PIK3C2A: variants seen among roughly 807,000 people sequenced by gnomAD.
PIK3C2A encodes the protein phosphatidylinositol 4-phosphate 3-kinase C2 domain-containing subunit alpha.
Under a neutral mutation model 204.5 loss-of-function variants are expected in PIK3C2A, and 97 were observed. That is an observed-to-expected ratio of 0.47 (90% CI 0.40 to 0.56). The LOEUF (loss-of-function observed/expected upper bound fraction) is 0.56. PIK3C2A is among the 20% of genes least tolerant of loss of function. PIK3C2A has a pLI of 0.00. For synonymous variants in PIK3C2A, 653 were observed against 664.4 expected, an observed-to-expected ratio of 0.98 and a Z score of 0.26; for missense variants, 1,735 against 1,969.2, an observed-to-expected ratio of 0.88 and a Z score of 2.25.
intron 21 of PIK3C2A, among the ~76,000 whole-genome samples, chr11:17,111,263 C>A (rs1848992723): frequency 6.6e-6 from 1 of 152,106 alleles, no homozygotes; most frequent in South Asian, 2.1e-4. Flanking sequence ...ATGAAATGTT[C>A]TACATTTTGA....
chr11:17,199,583 C>G (rs1852292221), intron 1 of PIK3C2A, among the ~76,000 whole-genome samples: 1 of 152,168 alleles, frequency 6.6e-6, no homozygotes, highest in Admixed American at 6.5e-5. Context: ...ATAAGTCAGA[C>G]ACAAAAGGCT....
chr11:17,133,925 C>T (rs891571231), intron 11 of PIK3C2A, among the ~76,000 whole-genome samples: 1 of 151,130 alleles, frequency 6.6e-6, no homozygotes, highest in African/African-American at 2.4e-5. Context: ...AAGACTCCAT[C>T]TCAAAAAAAA....
At chr11:17,160,773 G>A (rs1340655926) in intron 2 of PIK3C2A, among the ~76,000 whole-genome samples, 2 of 128,794 alleles carry the variant, frequency 1.6e-5, no homozygotes, top group African/African-American at 2.8e-5. Context: ...GCAGTTAGCC[G>A]AGGTTGCACC....
chr11:17,169,228 A>G lies in PIK3C2A; in HGVS notation c.514T>C (p.Phe172Leu). ...YSKQAAFQNG[F>L]NPRMPTFPST... ...GGAAAAGTGGGCATTCTTGGATTGA[A>G]GCCATTTTGGAATGCAGCCTGTTTA... The change falls in exon 2 of 33, where the codon TTC (phenylalanine) becomes CTC (leucine). Residue 172 changes from phenylalanine (F) to leucine (L), a missense_variant. By Grantham distance (22) the Phe-to-Leu change is conservative (BLOSUM62 0). Coordinates refer to ENST00000691414, the MANE Select transcript of PIK3C2A (RefSeq NM_002645.4). The G allele has an allele frequency of 6.2e-7, 1 of 1,614,160 alleles. No homozygotes were observed. Among genetic ancestry groups the G allele is most frequent in the South Asian group, 1.1e-5 (1 of 91,082 alleles).
Position 17,117,468 on chromosome 11 carries a change from T to C in PIK3C2A, c.3216+23A>G. The C allele has an allele frequency of 2.6e-6, 4 of 1,537,784 alleles. No homozygotes were observed. The Admixed American group carries it at 5.3e-5, about 21-fold the overall frequency. The stretch of plus-strand genomic sequence containing the variant: ...CCTTCCTTTAACATTAACACATTTA[T>C]ATTACCTTTTATGGGTACATACCTG... On this transcript the variant is annotated intron_variant, in intron 19 of 32. Coordinates refer to ENST00000691414, the MANE Select transcript of PIK3C2A (RefSeq NM_002645.4).
rs193074218 is a variant in PIK3C2A at position 17,184,627 on chromosome 11, T to A, written c.-65-14821A>T. Among the ~76,000 whole-genome samples the A allele has an allele frequency of 1.6e-3, 242 of 152,264 alleles. 2 individuals are homozygous for A. Among genetic ancestry groups the A allele is most frequent in the African/African-American group, 5.3e-3 (221 of 41,566 alleles). On this transcript the variant is annotated intron_variant, in intron 1 of 32. Transcript: ENST00000691414. ...TAAAAAGGTTACAGTAAGCTAAGGT[T>A]AATTTATTACTAAGGAAAGAAAAAT...
rs1849630522 is a variant in PIK3C2A, at chr11:17,129,483, T to G, written c.2232-16A>C. On this transcript the variant is annotated splice_polypyrimidine_tract_variant and intron_variant, in intron 12 of 32. Coordinates refer to ENST00000691414, the MANE Select transcript of PIK3C2A (RefSeq NM_002645.4). ...AAAAATGATTCTATGGGGGGAAAAA[T>G]GTATTAATAGAACAAATTAGATTGA... The G allele has an allele frequency of 2.6e-6, 4 of 1,525,620 alleles. No individual in the cohort carries two copies. The South Asian group carries it at 3.4e-5, about 13-fold the overall frequency. 94.5% of individuals were successfully genotyped at this position (1,525,620 alleles called of 1,614,324 possible).
chr11:17,091,590 C>T lies in PIK3C2A; in HGVS notation c.4709G>A (p.Arg1570Gln), dbSNP rs778628990. ...CACCATGATGAAAAGAGTACCATTT[C>T]GGTAAGAGATGGATAATTTCACAGC... ...GGAVKLSISY[R>Q]NGTLFIMVMH... The change falls in exon 31 of 33, where the codon CGA becomes CAA. Residue 1570 changes from arginine to glutamine, a missense_variant. Arg to Gln is a conservative substitution (Grantham distance 43). Transcript: ENST00000691414. The T allele has an allele frequency of 1.8e-5, 29 of 1,613,310 alleles. No homozygotes were observed. Among genetic ancestry groups the T allele is most frequent in the Middle Eastern group, 1.6e-4 (1 of 6,080 alleles).
At chr11:17,125,974 A>G (rs1330880043) in intron 13 of PIK3C2A, among the ~76,000 whole-genome samples, 1 of 151,846 alleles carries the variant, frequency 6.6e-6, no homozygotes, top group Non-Finnish European at 1.5e-5. Flanking sequence ...AAACACAAAA[A>G]TTAGCCAGGC....
intron 1 of PIK3C2A, among the ~76,000 whole-genome samples, chr11:17,193,144 G>C (rs1176234520): frequency 6.6e-6 from 1 of 152,214 alleles, no homozygotes; most frequent in African/African-American, 2.4e-5. Flanking sequence ...CCAAGCGGAT[G>C]TTAGTACTAC....
intron 9 of PIK3C2A, 111 bp downstream of exon 9, chr11:17,136,371 A>G (rs761255478): frequency 3.5e-6 from 3 of 854,176 alleles, no homozygotes; most frequent in Non-Finnish European, 5.6e-6. Flanking sequence ...ATTCAACCCA[A>G]AAGTAAAAGC....
intron 13 of PIK3C2A, among the ~76,000 whole-genome samples, chr11:17,126,178 C>T (rs369544546): frequency 1.8e-4 from 28 of 152,194 alleles, no homozygotes; most frequent in African/African-American, 6.7e-4. Context: ...TTTAGTAACC[C>T]TCAGAAATAA....
At chr11:17,203,507 CT>C in intron 1 of PIK3C2A, among the ~76,000 whole-genome samples, 1 of 152,120 alleles carries the variant, frequency 6.6e-6, no homozygotes, top group Admixed American at 6.6e-5. Flanking sequence ...CTGAAAGATA[CT>C]TACAGCAATA....
chr11:17,152,146 C>T (rs181811557), intron 3 of PIK3C2A, among the ~76,000 whole-genome samples: 1 of 152,194 alleles, frequency 6.6e-6, no homozygotes, highest in Admixed American at 6.5e-5. Flanking sequence ...CTTTCTTTTA[C>T]ACAACAATGT....
intron 1 of PIK3C2A, among the ~76,000 whole-genome samples, chr11:17,185,859 C>A (rs1165611324): frequency 1.3e-5 from 2 of 152,124 alleles, no homozygotes; most frequent in Non-Finnish European, 2.9e-5. Flanking sequence ...ACATTTATAA[C>A]CCCTCCTTTC....
At chr11:17,101,999 A>G (rs1347374000) in intron 24 of PIK3C2A, among the ~76,000 whole-genome samples, 3 of 152,222 alleles carry the variant, frequency 2.0e-5, no homozygotes, top group African/African-American at 4.8e-5. Context: ...AAATAAGGTG[A>G]TATTTATAAA....
chr11:17,205,925 AG>A, intron 1 of PIK3C2A, among the ~76,000 whole-genome samples: 1 of 152,214 alleles, frequency 6.6e-6, no homozygotes, highest in Non-Finnish European at 1.5e-5. Flanking sequence ...GTTCGAGACT[AG>A]CCTGGTCAAC....
At chr11:17,148,612 A>G (rs1441417468) in intron 5 of PIK3C2A, 55 bp downstream of exon 5, 90 of 1,534,594 alleles carry the variant, frequency 5.9e-5, no homozygotes, top group Non-Finnish European at 4.1e-5. Flanking sequence ...TTTCTAGATT[A>G]AACCATTAAA....
At chr11:17,126,037 T>C (rs1361676047) in intron 13 of PIK3C2A, among the ~76,000 whole-genome samples, 1 of 151,998 alleles carries the variant, frequency 6.6e-6, no homozygotes, top group African/African-American at 2.4e-5. Context: ...GGCATGAGAA[T>C]CACTTGAACC....
Sources: gnomAD v4.1 joint callset for allele counts (sites outside exome capture counted in the v4.1 genomes callset) on GRCh38, gnomAD v4.1.1 for gene constraint, MANE v1.5 for transcripts, NCBI Gene and HGNC (gene_info 2026-07-23, HGNC 2026-07-21) for gene names.